Variants in RAB10 observed in about 807,000 individuals in gnomAD.
RAB10 encodes the protein ras-related protein Rab-10.
A neutral mutation model predicts 25.7 loss-of-function variants in RAB10; 5 were observed. That is an observed-to-expected ratio of 0.19 (90% CI 0.10 to 0.41). RAB10 has a LOEUF of 0.41. Among genes scored for constraint, RAB10 ranks in the 10% least tolerant of loss-of-function variants. The pLI is 1.00. For missense variants in RAB10, 103 were observed against 245.8 expected (o/e 0.42, Z 3.89); for synonymous variants, 89 against 86.4 (o/e 1.03, Z -0.16).
intron 3 of RAB10, among the ~76,000 whole-genome samples, chr2:26,122,551 C>G (rs1667826415): frequency 6.6e-6 from 1 of 151,622 alleles, no homozygotes; most frequent in Admixed American, 6.6e-5. Context: ...TGGTGTGAAC[C>G]CGGGAGGCAG....
chr2:26,128,246 G>C (rs530976793), intron 5 of RAB10, among the ~76,000 whole-genome samples: 40 of 152,322 alleles, frequency 2.6e-4, no homozygotes, highest in Admixed American at 2.6e-3. Context: ...TCACAGTGGG[G>C]TTTGCACTCC....
At chr2:26,109,722 A>G in intron 2 of RAB10, 46 bp from the exon 3 acceptor site, 2 of 1,482,904 alleles carry the variant, frequency 1.3e-6, no homozygotes, top group Non-Finnish European at 1.8e-6. Context: ...TGTGAAATGT[A>G]GTAATATCAA....
chr2:26,137,325 C>T lies in RAB10; in HGVS notation c.*2304C>T, dbSNP rs1379001685. 6.6e-6 allele frequency: 1 copy of T among 152,652 alleles called. No individual in the cohort carries two copies. Among genetic ancestry groups the T allele is most frequent in the Non-Finnish European group, 1.5e-5 (1 of 68,042 alleles). 9.5% of individuals were successfully genotyped at this position (152,652 alleles called of 1,614,324 possible). ...GTGTAGAAGCTGTTCTCATTAAACA[C>T]CAAACAGTTAAGTCCATTCTCTGGT... On this transcript the variant is annotated 3_prime_UTR_variant, in exon 6 of 6. Coordinates refer to ENST00000264710, the MANE Select transcript of RAB10 (RefSeq NM_016131.5).
chr2:26,097,820 A>G (rs1273933501), intron 1 of RAB10, among the ~76,000 whole-genome samples: 7 of 152,236 alleles, frequency 4.6e-5, no homozygotes, highest in African/African-American at 1.7e-4. Flanking sequence ...GTCTCCAACT[A>G]TAATTGTAGG....
chr2:26,112,339 C>T (rs560106438), intron 3 of RAB10, among the ~76,000 whole-genome samples: 63 of 152,246 alleles, frequency 4.1e-4, no homozygotes, highest in Non-Finnish European at 7.2e-4. Context: ...TTGGTTGGTT[C>T]CTCTGGAGAC....
chr2:26,040,381 G>A (rs531930223), intron 1 of RAB10, among the ~76,000 whole-genome samples: 56 of 152,020 alleles, frequency 3.7e-4, no homozygotes, highest in African/African-American at 1.3e-3. Context: ...AACATCCTGA[G>A]GACTGGGCGT....
At chr2:26,042,215 C>T (rs1665905894) in intron 1 of RAB10, among the ~76,000 whole-genome samples, 1 of 152,106 alleles carries the variant, frequency 6.6e-6, no homozygotes, top group Non-Finnish European at 1.5e-5. Flanking sequence ...TCTCTCGGCT[C>T]CATGTAAGAA....
chr2:26,047,650 C>T (rs538453628), intron 1 of RAB10, among the ~76,000 whole-genome samples: 11 of 150,912 alleles, frequency 7.3e-5, no homozygotes, highest in African/African-American at 2.4e-4. Context: ...CGCCTGACCT[C>T]AGGTGATCTG....
intron 3 of RAB10, among the ~76,000 whole-genome samples, chr2:26,115,480 A>G (rs575737160): frequency 9.2e-5 from 14 of 152,236 alleles, no homozygotes; most frequent in Non-Finnish European, 1.8e-4. Context: ...AAGAAGCCAG[A>G]CATAAAAGGC....
At chr2:26,069,107 G>A (rs972218865) in intron 1 of RAB10, among the ~76,000 whole-genome samples, 1 of 152,112 alleles carries the variant, frequency 6.6e-6, no homozygotes, top group Non-Finnish European at 1.5e-5. Context: ...CCTCTGAACA[G>A]CATTGAGATG....
At chr2:26,071,906 T>TG (rs1261240886) in intron 1 of RAB10, among the ~76,000 whole-genome samples, 3 of 152,116 alleles carry the variant, frequency 2.0e-5, no homozygotes, top group African/African-American at 7.2e-5. Flanking sequence ...GGAAAACTTG[T>TG]GTCTGCTGCT....
At chr2:26,083,498 CTG>C (rs1251751879) in intron 1 of RAB10, among the ~76,000 whole-genome samples, 1 of 144,164 alleles carries the variant, frequency 6.9e-6, no homozygotes, top group Non-Finnish European at 1.5e-5. Context: ...TTGTCTCACT[CTG>C]TCACCCAGGC....
At chr2:26,058,429 T>G (rs1406081133) in intron 1 of RAB10, among the ~76,000 whole-genome samples, 1 of 151,738 alleles carries the variant, frequency 6.6e-6, no homozygotes, top group African/African-American at 2.4e-5. Context: ...GCTTTTTTCT[T>G]TTCTTTTTTT....
At chr2:26,047,871 G>A (rs946512568) in intron 1 of RAB10, among the ~76,000 whole-genome samples, 3 of 151,658 alleles carry the variant, frequency 2.0e-5, no homozygotes, top group African/African-American at 7.3e-5. Context: ...CTACAGGCAT[G>A]CACCACCACA....
chr2:26,116,756 A>G (rs1667698035), intron 3 of RAB10, among the ~76,000 whole-genome samples: 2 of 151,036 alleles, frequency 1.3e-5, no homozygotes, highest in Admixed American at 1.3e-4. Flanking sequence ...TGGGGTTTCA[A>G]CGTGTTAGCC....
chr2:26,082,658 T>C (rs1190321919), intron 1 of RAB10, among the ~76,000 whole-genome samples: 1 of 152,128 alleles, frequency 6.6e-6, no homozygotes, highest in Non-Finnish European at 1.5e-5. Flanking sequence ...CCAAATGGCT[T>C]CACTGGTGAT....
rs547674539 is a variant in RAB10 at position 26,034,550 on chromosome 2, A to G, written c.-59A>G. On this transcript the variant is annotated 5_prime_UTR_variant, in exon 1 of 6. Coordinates refer to ENST00000264710, the MANE Select transcript of RAB10 (RefSeq NM_016131.5). Reference sequence around the variant, plus strand: ...AACGCCCGAGTGAGGAGTTGGCCGTAGTGAGAGGGACCGATCCCTTGGGGC... The same window carrying G: ...AACGCCCGAGTGAGGAGTTGGCCGTGGTGAGAGGGACCGATCCCTTGGGGC... 38 of 1,607,576 alleles carry G rather than the reference A, an allele frequency of 2.4e-5. No homozygotes were observed. In the East Asian group the frequency reaches 8.3e-4, roughly 35 times the overall value.
intron 1 of RAB10, among the ~76,000 whole-genome samples, chr2:26,056,176 C>G (rs1453600150): frequency 1.3e-5 from 2 of 151,942 alleles, no homozygotes; most frequent in Admixed American, 6.6e-5. Flanking sequence ...CAGGCGTGAG[C>G]CACCGTGTCT....
intron 3 of RAB10, among the ~76,000 whole-genome samples, chr2:26,111,721 A>G (rs1181004915): frequency 1.3e-5 from 2 of 152,182 alleles, no homozygotes. Context: ...GAGATTCTGC[A>G]GTGTGTTTCC....
Sources: allele counts gnomAD v4.1 joint callset (sites outside exome capture counted in the v4.1 genomes callset), GRCh38; gene constraint gnomAD v4.1.1; transcripts MANE v1.5; gene names NCBI Gene and HGNC (gene_info 2026-07-23, HGNC 2026-07-21).